Variants in ALDH1A2 observed in about 807,000 individuals in gnomAD.
The protein encoded by ALDH1A2 is retinal dehydrogenase 2.
ALDH1A2 carries 27 observed loss-of-function variants against 60.3 expected under a neutral mutation model. The observed-to-expected ratio is 0.45, with a 90% CI of 0.33 to 0.62. The LOEUF is 0.62. Among genes scored for constraint, ALDH1A2 ranks in the 20% least tolerant of loss-of-function variants. The probability of loss-of-function intolerance (pLI) is 0.02; values close to 1 mark genes in which losing one functional copy is unlikely to be tolerated. For missense variants in ALDH1A2, 581 were observed against 643.8 expected (o/e 0.90, Z 1.06); for synonymous variants, 289 against 232.4 (o/e 1.24, Z -2.21).
intron 1 of ALDH1A2, among the ~76,000 whole-genome samples, chr15:58,064,275 C>T (rs377357215): frequency 9.2e-5 from 14 of 152,254 alleles, no homozygotes; most frequent in Admixed American, 6.5e-4. Context: ...CCATTAACGA[C>T]CTCTCATTAA....
intron 4 of ALDH1A2, 68 bp from the exon 5 acceptor site, chr15:57,995,207 T>G: frequency 1.1e-6 from 1 of 870,602 alleles, no homozygotes; most frequent in East Asian, 2.7e-5. Context: ...AGGGAGAACT[T>G]TGGTGGCTGC....
chr15:58,050,652 A>T (rs560163766), intron 1 of ALDH1A2, among the ~76,000 whole-genome samples: 5 of 152,282 alleles, frequency 3.3e-5, no homozygotes, highest in African/African-American at 1.2e-4. Context: ...CATCAACCGG[A>T]ATATTAATTT....
intron 7 of ALDH1A2, among the ~76,000 whole-genome samples, chr15:57,971,893 T>A (rs1346855082): frequency 6.6e-6 from 1 of 152,070 alleles, no homozygotes; most frequent in African/African-American, 2.4e-5. Context: ...CTGGCTAATT[T>A]ATTTTTTATT....
At chr15:57,967,025 A>G (rs1431875262) in intron 7 of ALDH1A2, among the ~76,000 whole-genome samples, 1 of 152,262 alleles carries the variant, frequency 6.6e-6, no homozygotes, top group Non-Finnish European at 1.5e-5. Flanking sequence ...TGAAAATTAA[A>G]TATTTTAAAA....
chr15:57,971,313 A>G (rs2140461134), intron 7 of ALDH1A2, among the ~76,000 whole-genome samples: 1 of 152,222 alleles, frequency 6.6e-6, no homozygotes, highest in South Asian at 2.1e-4. Context: ...TACCCTCCCT[A>G]CAGGGTTTGG....
At chr15:57,998,401 C>T (rs1050188873) in intron 4 of ALDH1A2, among the ~76,000 whole-genome samples, 1 of 151,894 alleles carries the variant, frequency 6.6e-6, no homozygotes, top group Non-Finnish European at 1.5e-5. Context: ...TTCCTATACA[C>T]CAACAATAGA....
chr15:57,994,965 T>C (rs1240447522), intron 5 of ALDH1A2, 113 bp downstream of exon 5: 4 of 1,040,824 alleles, frequency 3.8e-6, no homozygotes, highest in Non-Finnish European at 6.0e-6. Context: ...ATGAGCTCAG[T>C]TTTTTTTCCT....
At chr15:58,039,532 C>T (rs1208528292) in intron 1 of ALDH1A2, among the ~76,000 whole-genome samples, 2 of 151,856 alleles carry the variant, frequency 1.3e-5, no homozygotes, top group East Asian at 3.9e-4. Context: ...CAGGCTGAGA[C>T]CATAAATCAG....
At chr15:58,030,896 G>C (rs943166925) in intron 1 of ALDH1A2, among the ~76,000 whole-genome samples, 1 of 152,036 alleles carries the variant, frequency 6.6e-6, no homozygotes, top group Admixed American at 6.6e-5. Context: ...ACAAACAGAC[G>C]GAAGAACATT....
intron 3 of ALDH1A2, among the ~76,000 whole-genome samples, chr15:58,011,460 G>A (rs1473886245): frequency 1.3e-5 from 2 of 152,126 alleles, no homozygotes; most frequent in Non-Finnish European, 2.9e-5. Flanking sequence ...TCCTGAACTG[G>A]CTAAGTCCGT....
intron 7 of ALDH1A2, among the ~76,000 whole-genome samples, chr15:57,991,788 A>G (rs905787974): frequency 6.6e-6 from 1 of 152,190 alleles, no homozygotes; most frequent in Non-Finnish European, 1.5e-5. Flanking sequence ...CTCTCATTCT[A>G]TTAGATAGCA....
Position 58,006,505 on chromosome 15 carries a change from A to G in ALDH1A2, c.493+4144T>C, listed in dbSNP as rs367557446. Among the ~76,000 whole-genome samples, 6 of 151,938 alleles carry G rather than the reference A, an allele frequency of 3.9e-5. No homozygotes were observed. In the East Asian group the frequency reaches 1.2e-3, roughly 30 times the overall value. ...GTGCATGTGTCTTTTTCATATAATG[A>G]ATTATTTTCCCTGGGTAGGTACACC... On this transcript the variant is annotated intron_variant, in intron 4 of 12. Transcript: ENST00000249750.
intron 1 of ALDH1A2, among the ~76,000 whole-genome samples, chr15:58,025,715 T>C (rs1228645635): frequency 6.6e-6 from 1 of 152,232 alleles, no homozygotes; most frequent in African/African-American, 2.4e-5. Context: ...TGGCTTATGA[T>C]TCTGCAGGCC....
At chr15:58,059,808 A>C (rs1896975767) in intron 1 of ALDH1A2, among the ~76,000 whole-genome samples, 1 of 152,234 alleles carries the variant, frequency 6.6e-6, no homozygotes, top group Non-Finnish European at 1.5e-5. Context: ...TAAATATATA[A>C]GGAGGATTCC....
intron 4 of ALDH1A2, among the ~76,000 whole-genome samples, chr15:58,006,274 T>C (rs1340283350): frequency 6.6e-6 from 1 of 151,972 alleles, no homozygotes; most frequent in Non-Finnish European, 1.5e-5. Context: ...TATTTGGTTT[T>C]CCATTCCTGA....
chr15:57,992,833 C>A lies in ALDH1A2; in HGVS notation c.685-15G>T. 1 of 1,613,988 alleles carries A rather than the reference C, an allele frequency of 6.2e-7. No homozygotes were observed. The highest frequency in any genetic ancestry group is 1.1e-5 in the South Asian group (1 of 91,084). On this transcript the variant is annotated splice_polypyrimidine_tract_variant and intron_variant, in intron 6 of 12. Transcript: ENST00000249750. The stretch of plus-strand genomic sequence containing the variant: ...GGAAAGCCAGCCTAAGAAAACAGAA[C>A]AGGAGGAAACGTGGCTGATGAAAGC...
intron 12 of ALDH1A2, among the ~76,000 whole-genome samples, chr15:57,957,454 G>A (rs1313861760): frequency 6.6e-6 from 1 of 152,138 alleles, no homozygotes; most frequent in Non-Finnish European, 1.5e-5. Context: ...CTGAAGTCTC[G>A]ATTCTTAAGC....
At chr15:58,029,653 T>C (rs1896178345) in intron 1 of ALDH1A2, among the ~76,000 whole-genome samples, 1 of 150,908 alleles carries the variant, frequency 6.6e-6, no homozygotes, top group African/African-American at 2.4e-5. Flanking sequence ...GATATACTGC[T>C]AGCAAGACTA....
intron 1 of ALDH1A2, among the ~76,000 whole-genome samples, chr15:58,053,635 C>G (rs1453443592): frequency 6.6e-6 from 1 of 152,168 alleles, no homozygotes; most frequent in African/African-American, 2.4e-5. Context: ...CCAAAAATCA[C>G]TGTTTTGTGT....
Sources: allele counts gnomAD v4.1 joint callset (sites outside exome capture counted in the v4.1 genomes callset), GRCh38; gene constraint gnomAD v4.1.1; transcripts MANE v1.5; gene names NCBI Gene and HGNC (gene_info 2026-07-23, HGNC 2026-07-21).